MLLT6: variants seen among roughly 807,000 people sequenced by gnomAD.
The protein encoded by MLLT6 is MLLT6, PHD finger containing.
A neutral mutation model predicts 103.0 loss-of-function variants in MLLT6; 22 were observed. The ratio of observed to expected loss-of-function variants is 0.21; its 90% CI spans 0.15 to 0.31. MLLT6 has a LOEUF of 0.31. Among genes scored for constraint, MLLT6 ranks in the 10% least tolerant of loss-of-function variants. MLLT6 has a pLI of 1.00. For missense variants in MLLT6, 1,199 were observed against 1,441.7 expected, an observed-to-expected ratio of 0.83 and a Z score of 2.73; for synonymous variants, 606 against 623.5, an observed-to-expected ratio of 0.97 and a Z score of 0.42.
intron 12 of MLLT6, chr17:38,719,021 A>C (rs1478748953): frequency 5.4e-6 from 1 of 185,860 alleles, no homozygotes; most frequent in Non-Finnish European, 1.1e-5. Context: ...GAATGTAAAA[A>C]GTCATACAGA....
In MLLT6 at chr17:38,720,463, G is replaced by C. The variant is rs1389606150; in HGVS notation, c.2247G>C (p.Arg749=). 1 of 1,612,838 alleles carries C rather than the reference G, an allele frequency of 6.2e-7. No homozygotes were observed. Among genetic ancestry groups the C allele is most frequent in the African/African-American group, 1.3e-5 (1 of 74,942 alleles). The part of the protein sequence containing the change: ...QILSLTAKKE[R]LQILNVQLSV... ...TGAGCCTGACGGCCAAAAAGGAGCGGCTGCAGATTCTCAACGTGCAGCTCT... is the reference window on the plus strand; with the variant it reads ...TGAGCCTGACGGCCAAAAAGGAGCGCCTGCAGATTCTCAACGTGCAGCTCT... The change falls in exon 15 of 20, where the codon CGG becomes CGC. Residue 749 remains arginine (R), a synonymous_variant. Coordinates refer to ENST00000621332, the MANE Select transcript of MLLT6 (RefSeq NM_005937.4).
At chr17:38,720,142 C>G in intron 14 of MLLT6, 2 of 692,380 alleles carry the variant, frequency 2.9e-6, no homozygotes, top group Non-Finnish European at 4.7e-6. Context: ...TTCCGCCCTT[C>G]TCTCCTGACC....
At chr17:38,712,554 C>T (rs1385125150) in intron 7 of MLLT6, 137 bp from the exon 8 acceptor site, 6 of 643,370 alleles carry the variant, frequency 9.3e-6, no homozygotes, top group African/African-American at 1.8e-5. Context: ...AGCCCATTAT[C>T]CAGCCCTCCT....
chr17:38,715,444 C>G (rs1222137796), intron 8 of MLLT6, 168 bp from the exon 9 acceptor site: 1 of 1,205,304 alleles, frequency 8.3e-7, no homozygotes, highest in African/African-American at 1.5e-5. Context: ...CTCCCCATAT[C>G]CCTGGTCTAG....
At chr17:38,710,730 G>T (rs763251568) in intron 6 of MLLT6, among the ~76,000 whole-genome samples, 2 of 152,152 alleles carry the variant, frequency 1.3e-5, no homozygotes, top group East Asian at 1.9e-4. Flanking sequence ...GTCCTGATTT[G>T]CCCCAGACAG....
In MLLT6 at chr17:38,709,170, C is replaced by T. The variant is rs1245348623; in HGVS notation, c.355-3C>T. 6.2e-7 allele frequency: 1 copy of T among 1,610,172 alleles called. No homozygotes were observed. The highest frequency in any genetic ancestry group is 8.5e-7 in the Non-Finnish European group (1 of 1,178,568). ...GAGGGGACGATTGCGCTGTGTCCTGCAGACCTGTTACATCTGCGAGGAGCA... is the reference window on the plus strand; with the variant it reads ...GAGGGGACGATTGCGCTGTGTCCTGTAGACCTGTTACATCTGCGAGGAGCA... On this transcript the variant is annotated splice_polypyrimidine_tract_variant and splice_region_variant and intron_variant, in intron 4 of 19. Coordinates refer to ENST00000621332, the MANE Select transcript of MLLT6 (RefSeq NM_005937.4). This position sits in a 1 kb window ranked among gnomAD's most constrained non-coding sequence, Gnocchi z 4.3.
intron 12 of MLLT6, chr17:38,719,288 G>C: frequency 1.8e-6 from 1 of 555,524 alleles, no homozygotes. Flanking sequence ...CCAGACAGTG[G>C]AGCCTTCAGC....
At chr17:38,719,376 C>A in intron 12 of MLLT6, 141 bp from the exon 13 acceptor site, 2 of 780,168 alleles carry the variant, frequency 2.6e-6, no homozygotes, top group Non-Finnish European at 4.2e-6. Flanking sequence ...TCAGCGCTGG[C>A]CTTGAACTGC....
chr17:38,717,240 TTAAC>T (rs1270946538), intron 10 of MLLT6, among the ~76,000 whole-genome samples, 188 bp from the exon 11 acceptor site: 1 of 152,028 alleles, frequency 6.6e-6, no homozygotes, highest in African/African-American at 2.4e-5. Context: ...GCAGGGCAGT[TTAAC>T]AAGCAGGCGC....
At chr17:38,720,283 C>G in intron 14 of MLLT6, 89 bp from the exon 15 acceptor site, 1 of 1,277,152 alleles carries the variant, frequency 7.8e-7, no homozygotes, top group Non-Finnish European at 1.1e-6. Context: ...AAGGGCTGAG[C>G]ACTGGCTCCC....
intron 10 of MLLT6, 68 bp from the exon 11 acceptor site, chr17:38,717,364 C>A: frequency 7.5e-7 from 1 of 1,333,038 alleles, no homozygotes; most frequent in Non-Finnish European, 1.0e-6. Context: ...GGGCTGTCAG[C>A]CACCTGGCTG....
intron 8 of MLLT6, chr17:38,713,096 G>A: frequency 2.7e-6 from 2 of 744,522 alleles, no homozygotes; most frequent in Non-Finnish European, 5.1e-6. Flanking sequence ...ACTCAGGCCT[G>A]CTCTCCAAGT....
chr17:38,707,683 A>C lies in MLLT6; in HGVS notation c.245-80A>C. On this transcript the variant is annotated intron_variant, in intron 3 of 19. Coordinates refer to ENST00000621332, the MANE Select transcript of MLLT6 (RefSeq NM_005937.4). ...TGATGGGAAGGCTGTGGAGGAGGGA[A>C]CAGTCTGCAGCGTGGGGTCATAAGG... The C allele has an allele frequency of 4.1e-6, 5 of 1,223,480 alleles. No individual in the cohort carries two copies. In the South Asian group the frequency reaches 6.1e-5, roughly 15 times the overall value. 75.8% of individuals were successfully genotyped at this position (1,223,480 alleles called of 1,614,324 possible).
Position 38,715,768 on chromosome 17 carries a change from T to G in MLLT6, c.976T>G (p.Ser326Ala). 1 of 1,613,374 alleles carries G rather than the reference T, an allele frequency of 6.2e-7. No individual in the cohort carries two copies. The change falls in exon 9 of 20, where the codon TCC becomes GCC. Residue 326 changes from serine (S) to alanine (A), a missense_variant. By Grantham distance (99) the Ser-to-Ala change is moderately conservative. This residue lies in a region of MLLT6 where 1,034 missense variants were observed against 1,091.5 expected (regional missense o/e 0.95). Coordinates refer to ENST00000621332, the MANE Select transcript of MLLT6 (RefSeq NM_005937.4). ...SSGKGVSSFT[S>A]ASSSSSSSSS... ...TGGGAAAGGTGTGAGCAGTTTTACCTCCGCCTCCTCTTCTTCCTCCTCCTC... is the reference window on the plus strand; with the variant it reads ...TGGGAAAGGTGTGAGCAGTTTTACCGCCGCCTCCTCTTCTTCCTCCTCCTC...
intron 9 of MLLT6, 115 bp downstream of exon 9, chr17:38,715,943 C>A: frequency 3.2e-6 from 3 of 951,544 alleles, no homozygotes; most frequent in Non-Finnish European, 4.7e-6. Flanking sequence ...TCCATTGGTT[C>A]AGGATAAAGA....
intron 12 of MLLT6, 62 bp downstream of exon 12, chr17:38,718,015 A>T (rs1027174221): frequency 2.8e-5 from 32 of 1,142,788 alleles, no homozygotes; most frequent in Middle Eastern, 2.1e-4. Flanking sequence ...CATCACCTGC[A>T]TGTGACCCCA....
At chr17:38,713,423 C>T (rs567478541) in intron 8 of MLLT6, 144 of 248,718 alleles carry the variant, frequency 5.8e-4, no homozygotes, top group Middle Eastern at 2.4e-3. Context: ...CTCCCTACAA[C>T]CTGCCCTCCC....
intron 10 of MLLT6, 40 bp from the exon 11 acceptor site, chr17:38,717,392 G>T: frequency 6.6e-7 from 1 of 1,505,406 alleles, no homozygotes. Context: ...GTCTGGGGTG[G>T]AGAGTAACCA....
chr17:38,713,168 C>A (rs768671149), intron 8 of MLLT6: 42 of 630,438 alleles, frequency 6.7e-5, no homozygotes, highest in Non-Finnish European at 1.2e-4. Context: ...CAGGAGGACA[C>A]CCAAAGCTTG....
Sources: allele counts gnomAD v4.1 joint callset (sites outside exome capture counted in the v4.1 genomes callset), GRCh38; gene constraint gnomAD v4.1.1; regional missense constraint gnomAD v4.1.1; non-coding constraint Gnocchi (gnomAD v3.1); transcripts MANE v1.5; gene names NCBI Gene and HGNC (gene_info 2026-07-23, HGNC 2026-07-21).